Variants in AFG3L2 observed in about 807,000 individuals in gnomAD.
AFG3L2 encodes the protein AFG3 like matrix AAA peptidase subunit 2, also known as mitochondrial inner membrane m-AAA protease component AFG3L2.
In AFG3L2, 54 loss-of-function variants were observed where a neutral mutation model predicts 94.5. The observed-to-expected ratio is 0.57, with a 90% CI of 0.46 to 0.72. The LOEUF is 0.72. AFG3L2 is among the 30% of genes least tolerant of loss of function. AFG3L2 has a pLI of 0.00. For missense variants in AFG3L2, 754 were observed against 994.9 expected (o/e 0.76, Z 3.26); for synonymous variants, 377 against 365.5 (o/e 1.03, Z -0.36).
intron 16 of AFG3L2, among the ~76,000 whole-genome samples, chr18:12,331,813 ATATATATATATATATATATATAT>A (rs1907538759): frequency 3.6e-3 from 11 of 3,034 alleles, no homozygotes; most frequent in Admixed American, 7.4e-3. Flanking sequence ...AAATAAATAT[ATATATATATATATATATATATAT>A]ATATATATAT....
At chr18:12,362,082 AGTTTT>A (rs1486761168) in intron 6 of AFG3L2, among the ~76,000 whole-genome samples, 10 of 152,264 alleles carry the variant, frequency 6.6e-5, no homozygotes, top group African/African-American at 2.2e-4. Context: ...CCAGGACTCA[AGTTTT>A]AATAGCTTTC....
rs1909190462 is a variant in AFG3L2, at chr18:12,377,158, G to T, written c.-76C>A. On this transcript the variant is annotated 5_prime_UTR_variant, in exon 1 of 17. Transcript: ENST00000269143. ...GCGACGACTGGCGGCCTCGGGAAGC[G>T]GGCTCGGCTCGGGGAAAGGCCGCCA... 3.4e-6 allele frequency: 4 copies of T among 1,173,742 alleles called. No individual in the cohort carries two copies. The highest frequency in any genetic ancestry group is 4.6e-6 in the Non-Finnish European group (4 of 874,048). 72.7% of individuals were successfully genotyped at this position (1,173,742 alleles called of 1,614,324 possible). A position where few individuals can be genotyped will look rare whatever the true frequency, so the allele number is the denominator to read the frequency against.
At chr18:12,372,342 A>G (rs2143237136) in intron 1 of AFG3L2, among the ~76,000 whole-genome samples, 1 of 152,310 alleles carries the variant, frequency 6.6e-6, no homozygotes, top group South Asian at 2.1e-4. Flanking sequence ...AAAAATTACA[A>G]AACCAAATAA....
At chr18:12,335,554 C>T (rs1420972350) in intron 16 of AFG3L2, among the ~76,000 whole-genome samples, 5 of 152,164 alleles carry the variant, frequency 3.3e-5, no homozygotes, top group South Asian at 4.1e-4. Flanking sequence ...GTTTCTTTTT[C>T]CCTGGGTACA....
chr18:12,347,357 G>A (rs1390454784), intron 13 of AFG3L2, among the ~76,000 whole-genome samples: 4 of 152,072 alleles, frequency 2.6e-5, no homozygotes, highest in South Asian at 2.1e-4. Flanking sequence ...CTCCTCTTCC[G>A]TGGAACTCTG....
rs557033802 is a variant in AFG3L2, at chr18:12,347,309, G to A, written c.1663+964C>T. Among the ~76,000 whole-genome samples the A allele has an allele frequency of 1.1e-4, 17 of 152,216 alleles. No individual in the cohort carries two copies. The South Asian group carries it at 2.3e-3, about 20-fold the overall frequency. On this transcript the variant is annotated intron_variant, in intron 13 of 16. Coordinates refer to ENST00000269143, the MANE Select transcript of AFG3L2 (RefSeq NM_006796.3). ...AGTCCATCTGCCAGGCCACTTCCAC[G>A]TCACACCCCAGTTTCATCCTGAGCC...
At chr18:12,346,052 G>A (rs1411611579) in intron 13 of AFG3L2, among the ~76,000 whole-genome samples, 1 of 152,070 alleles carries the variant, frequency 6.6e-6, no homozygotes, top group Non-Finnish European at 1.5e-5. Flanking sequence ...CAAATCCAAA[G>A]TTCCTCTTCC....
At chr18:12,373,073 T>C (rs1287670777) in intron 1 of AFG3L2, among the ~76,000 whole-genome samples, 1 of 152,130 alleles carries the variant, frequency 6.6e-6, no homozygotes, top group Non-Finnish European at 1.5e-5. Flanking sequence ...TAAAACAGAA[T>C]GAGATGATTT....
chr18:12,356,185 T>C (rs1423658243), intron 9 of AFG3L2, among the ~76,000 whole-genome samples: 26 of 148,610 alleles, frequency 1.7e-4, no homozygotes, highest in African/African-American at 6.5e-4. Flanking sequence ...AGCGTCTCAC[T>C]CTGTTGCCCA....
intron 5 of AFG3L2, among the ~76,000 whole-genome samples, chr18:12,365,543 C>T (rs1028384157): frequency 2.6e-5 from 4 of 152,224 alleles, no homozygotes; most frequent in African/African-American, 9.6e-5. Context: ...CAGGCAGGAT[C>T]TGTCCGATGT....
rs200836923 is a variant in AFG3L2, at chr18:12,353,067, C to T, written c.1256G>A (p.Gly419Asp). ...CTGCTCACTCTGCCCTCCAAAGTTG[C>T]CTCTTCCTCTCTTCCTTCCCACCGC... Reference protein sequence around the residue: ...IDAVGRKRGRGNFGGQSEQEN... With the variant: ...IDAVGRKRGRDNFGGQSEQEN... The change falls in exon 10 of 17, where the codon GGC becomes GAC. Residue 419 changes from glycine (G) to aspartate (D), a missense_variant. By Grantham distance (94) the Gly-to-Asp change is moderately conservative. This residue lies in a region of AFG3L2 where 109 missense variants were observed against 227.1 expected (regional missense o/e 0.48). Coordinates refer to ENST00000269143, the MANE Select transcript of AFG3L2 (RefSeq NM_006796.3). 1.2e-6 allele frequency: 2 copies of T among 1,614,172 alleles called. No homozygotes were observed. Among genetic ancestry groups the T allele is most frequent in the Non-Finnish European group, 1.7e-6 (2 of 1,180,020 alleles).
chr18:12,340,282 G>A lies in AFG3L2; in HGVS notation c.1899C>T (p.Val633=). 1.9e-6 allele frequency: 3 copies of A among 1,614,122 alleles called. No homozygotes were observed. The highest frequency in any genetic ancestry group is 2.2e-5 in the East Asian group (1 of 44,876). ...DRMCMTLGGR[V]SEEIFFGRIT... is the part of the protein sequence containing the mutation. Reference sequence around the variant, plus strand: ...TTCTTCCAAAGAAGATTTCTTCAGAGACTCGACCACCTAAAGTCATACACA... The same window carrying A: ...TTCTTCCAAAGAAGATTTCTTCAGAAACTCGACCACCTAAAGTCATACACA... The change falls in exon 15 of 17, where the codon GTC becomes GTT. Residue 633 remains valine, a synonymous_variant. Coordinates refer to ENST00000269143, the MANE Select transcript of AFG3L2 (RefSeq NM_006796.3).
intron 6 of AFG3L2, among the ~76,000 whole-genome samples, chr18:12,362,460 T>C (rs1018135701): frequency 6.6e-6 from 1 of 152,242 alleles, no homozygotes; most frequent in Non-Finnish European, 1.5e-5. Context: ...CCCTCAAGAC[T>C]GTATAATGCC....
chr18:12,366,390 C>A (rs1056557740), intron 5 of AFG3L2, among the ~76,000 whole-genome samples: 1 of 152,186 alleles, frequency 6.6e-6, no homozygotes, highest in Admixed American at 6.5e-5. Flanking sequence ...TATAGTCACA[C>A]ATGGGCAAGC....
intron 4 of AFG3L2, 53 bp downstream of exon 4, chr18:12,367,223 T>G: frequency 6.2e-7 from 1 of 1,613,068 alleles, no homozygotes; most frequent in Non-Finnish European, 8.5e-7. Flanking sequence ...CCTCCCAACC[T>G]TCTCTGGGCC....
At chr18:12,348,452 C>T in intron 12 of AFG3L2, 69 bp from the exon 13 acceptor site, 2 of 1,132,716 alleles carry the variant, frequency 1.8e-6, no homozygotes, top group East Asian at 2.4e-5. Flanking sequence ...ACAATATGGA[C>T]AGCCAAATCC....
At chr18:12,333,941 CCTCT>C (rs1021501756) in intron 16 of AFG3L2, among the ~76,000 whole-genome samples, 2 of 152,158 alleles carry the variant, frequency 1.3e-5, no homozygotes, top group African/African-American at 4.8e-5. Flanking sequence ...AGCTACCTGA[CCTCT>C]CTCTGTTAAC....
Position 12,377,165 on chromosome 18 carries a change from G to A in AFG3L2, c.-83C>T, listed in dbSNP as rs979273563. ...CTGGCGGCCTCGGGAAGCGGGCTCGGCTCGGGGAAAGGCCGCCAGGCAGCG... is the reference window on the plus strand; with the variant it reads ...CTGGCGGCCTCGGGAAGCGGGCTCGACTCGGGGAAAGGCCGCCAGGCAGCG... On this transcript the variant is annotated 5_prime_UTR_variant, in exon 1 of 17. Transcript: ENST00000269143. The A allele has an allele frequency of 1.6e-5, 18 of 1,132,186 alleles. No homozygotes were observed. Among genetic ancestry groups the A allele is most frequent in the African/African-American group, 3.3e-5 (2 of 60,684 alleles). The allele number at this position is 1,132,186 out of a possible 1,614,324, so 70.1% of individuals were successfully genotyped here.
intron 8 of AFG3L2, among the ~76,000 whole-genome samples, chr18:12,358,097 A>G (rs1345004548): frequency 6.6e-6 from 1 of 152,210 alleles, no homozygotes; most frequent in African/African-American, 2.4e-5. Context: ...CTTTTTATTC[A>G]TTTACTTAAT....
Sources: allele counts gnomAD v4.1 joint callset (sites outside exome capture counted in the v4.1 genomes callset), GRCh38; gene constraint gnomAD v4.1.1; regional missense constraint gnomAD v4.1.1; transcripts MANE v1.5; gene names NCBI Gene and HGNC (gene_info 2026-07-23, HGNC 2026-07-21).